The following PACSIN1 variants were observed in gnomAD, a reference collection of about 807,000 sequenced individuals.
PACSIN1 encodes the protein protein kinase C and casein kinase substrate in neurons 1.
In PACSIN1, 15 loss-of-function variants were observed where a neutral mutation model predicts 59.5. That is an observed-to-expected ratio of 0.25 (90% CI 0.17 to 0.39). The LOEUF is 0.39. Ranked by LOEUF, PACSIN1 falls within the 10% of genes least tolerant of loss-of-function variation. PACSIN1 has a pLI of 1.00. For missense variants in PACSIN1, 420 were observed against 580.2 expected, an observed-to-expected ratio of 0.72 and a Z score of 2.84; for synonymous variants, 210 against 220.6, an observed-to-expected ratio of 0.95 and a Z score of 0.42.
chr6:34,532,666 G>A lies in PACSIN1; in HGVS notation c.*136G>A. 1 of 633,526 alleles carries A rather than the reference G, an allele frequency of 1.6e-6. No individual in the cohort carries two copies. The highest frequency in any genetic ancestry group is 2.8e-5 in the East Asian group (1 of 35,360). The allele number at this position is 633,526 out of a possible 1,614,324, so 39.2% of individuals were successfully genotyped here. A position where few individuals can be genotyped will look rare whatever the true frequency, so the allele number is the denominator to read the frequency against. On this transcript the variant is annotated 3_prime_UTR_variant, in exon 10 of 10. Transcript: ENST00000244458. This position sits in a 1 kb window ranked among gnomAD's most constrained non-coding sequence, Gnocchi z 5.2. Reference sequence around the variant, plus strand: ...TTTTATTTTTTTAAAAGTCAAAACAGAACAAAACAAAGTATGCAGAGACAG... The same window carrying A: ...TTTTATTTTTTTAAAAGTCAAAACAAAACAAAACAAAGTATGCAGAGACAG...
At chr6:34,512,805 C>T (rs1333598173) in intron 1 of PACSIN1, among the ~76,000 whole-genome samples, 1 of 152,208 alleles carries the variant, frequency 6.6e-6, no homozygotes, top group African/African-American at 2.4e-5. Context: ...CCGTGTTTCC[C>T]AATCAGATCT....
intron 1 of PACSIN1, among the ~76,000 whole-genome samples, chr6:34,486,091 C>CCGAT (rs1231336305): frequency 6.6e-6 from 1 of 152,066 alleles, no homozygotes; most frequent in Non-Finnish European, 1.5e-5. Flanking sequence ...TGAGGGAAAA[C>CCGAT]CGATCATTCA....
At chr6:34,468,855 C>T (rs1392792945) in intron 1 of PACSIN1, among the ~76,000 whole-genome samples, 1 of 151,722 alleles carries the variant, frequency 6.6e-6, no homozygotes, top group East Asian at 1.9e-4. Context: ...TTCCGGTGGC[C>T]CCATGGCCTG....
Position 34,514,035 on chromosome 6 carries a change from G to A in PACSIN1, c.-63-12208G>A, listed in dbSNP as rs931505007. On this transcript the variant is annotated intron_variant, in intron 1 of 9. Coordinates refer to ENST00000244458, the MANE Select transcript of PACSIN1 (RefSeq NM_020804.5). The surrounding 1 kb of genome is among the most constrained non-coding windows in gnomAD (Gnocchi z 4.4). ...GTGTGCACGTGTCTTAAAGATGTGC[G>A]TATGCTGATATTAGTGTCACAGTTA... Among the ~76,000 whole-genome samples, 10 of 152,204 alleles carry A rather than the reference G, an allele frequency of 6.6e-5. No homozygotes were observed. The highest frequency in any genetic ancestry group is 1.9e-4 in the East Asian group (1 of 5,202).
intron 2 of PACSIN1, among the ~76,000 whole-genome samples, chr6:34,526,640 C>T (rs1347331638): frequency 2.6e-5 from 4 of 152,230 alleles, no homozygotes; most frequent in East Asian, 1.9e-4. Flanking sequence ...CTCTGTGGCA[C>T]TTCCATCAGG....
intron 1 of PACSIN1, among the ~76,000 whole-genome samples, chr6:34,504,290 ATTTTTTTTTT>A (rs368149319): frequency 7.4e-5 from 7 of 94,078 alleles, no homozygotes; most frequent in African/African-American, 3.1e-4. Flanking sequence ...ATATATATAT[ATTTTTTTTTT>A]TTTTTTTTTA....
intron 1 of PACSIN1, among the ~76,000 whole-genome samples, chr6:34,498,923 C>T (rs1289060748): frequency 1.3e-5 from 2 of 151,638 alleles, no homozygotes; most frequent in Admixed American, 6.6e-5. Flanking sequence ...GGACTGGTTT[C>T]GTGGAAGACA....
intron 1 of PACSIN1, among the ~76,000 whole-genome samples, chr6:34,478,776 G>C (rs1325045769): frequency 6.6e-6 from 1 of 152,176 alleles, no homozygotes; most frequent in Non-Finnish European, 1.5e-5. Flanking sequence ...AAAATAGGTT[G>C]TACATTTGTC....
At chr6:34,509,977 C>G (rs1340198890) in intron 1 of PACSIN1, among the ~76,000 whole-genome samples, 5 of 152,202 alleles carry the variant, frequency 3.3e-5, no homozygotes. Flanking sequence ...GGATCTTTTT[C>G]ATTGCTGTGT....
chr6:34,509,386 C>T (rs953876049), intron 1 of PACSIN1, among the ~76,000 whole-genome samples: 2 of 152,054 alleles, frequency 1.3e-5, no homozygotes, highest in African/African-American at 4.8e-5. Context: ...GTCTGTATGT[C>T]TTTATTTATT....
chr6:34,519,857 C>T (rs1223753751), intron 1 of PACSIN1, among the ~76,000 whole-genome samples: 2 of 152,164 alleles, frequency 1.3e-5, no homozygotes, highest in Non-Finnish European at 2.9e-5. Flanking sequence ...TCTGTCTGGC[C>T]TCTTGGTGCT....
In PACSIN1 at chr6:34,521,614, C is replaced by T. The variant is rs755488643; in HGVS notation, c.-63-4629C>T. Among the ~76,000 whole-genome samples, 12 of 152,180 alleles carry T rather than the reference C, an allele frequency of 7.9e-5. No individual in the cohort carries two copies. The South Asian group carries it at 8.3e-4, about 11-fold the overall frequency. ...CCTGCACCCCCCAGTCTGCACTTCA[C>T]AGGCTGCATCATCCTCATGGACAAG... On this transcript the variant is annotated intron_variant, in intron 1 of 9. Transcript: ENST00000244458. This position sits in a 1 kb window ranked among gnomAD's most constrained non-coding sequence, Gnocchi z 4.3.
intron 1 of PACSIN1, among the ~76,000 whole-genome samples, chr6:34,510,525 C>T (rs940796904): frequency 1.3e-5 from 2 of 152,212 alleles, no homozygotes; most frequent in African/African-American, 4.8e-5. Flanking sequence ...GGGCTGCTTT[C>T]AATGCGCTCA....
chr6:34,486,956 C>T (rs1766802777), intron 1 of PACSIN1, among the ~76,000 whole-genome samples: 1 of 148,494 alleles, frequency 6.7e-6, no homozygotes, highest in Non-Finnish European at 1.5e-5. Context: ...TACTTGAACT[C>T]AGGAGTTTGA....
In PACSIN1 at chr6:34,530,391, A is replaced by G; in HGVS notation, c.909+28A>G. On this transcript the variant is annotated intron_variant, in intron 7 of 9. Coordinates refer to ENST00000244458, the MANE Select transcript of PACSIN1 (RefSeq NM_020804.5). The surrounding 1 kb of genome is among the most constrained non-coding windows in gnomAD (Gnocchi z 4.4). ...GAGGATATGTGGGGATGGGAAGGGG[A>G]GCCTGAAGAGGCTGAAAGGTGCCTC... is the stretch of plus-strand genomic sequence containing the variant. 1 of 1,610,762 alleles carries G rather than the reference A, an allele frequency of 6.2e-7. No individual in the cohort carries two copies. Among genetic ancestry groups the G allele is most frequent in the Non-Finnish European group, 8.5e-7 (1 of 1,177,714 alleles).
intron 2 of PACSIN1, 38 bp downstream of exon 2, chr6:34,526,406 A>G: frequency 6.3e-7 from 1 of 1,579,562 alleles, no homozygotes; most frequent in Non-Finnish European, 8.7e-7. Flanking sequence ...GGGACCAGAC[A>G]GCCTGGCTGT....
chr6:34,523,505 T>C (rs1267693491), intron 1 of PACSIN1, among the ~76,000 whole-genome samples: 2 of 152,162 alleles, frequency 1.3e-5, no homozygotes, highest in African/African-American at 4.8e-5. Flanking sequence ...CCAGCTGTCA[T>C]TTATTGAGAC....
intron 4 of PACSIN1, 70 bp downstream of exon 4, chr6:34,528,947 A>C: frequency 8.0e-7 from 1 of 1,250,988 alleles, no homozygotes; most frequent in Non-Finnish European, 1.1e-6. Flanking sequence ...GATCCCAGGG[A>C]GGGCATCTAT....
intron 1 of PACSIN1, among the ~76,000 whole-genome samples, chr6:34,481,270 A>AAACTCCTGATCTCAAGTGATCCAGCCTCC (rs1766715106): frequency 6.6e-6 from 1 of 152,004 alleles, no homozygotes; most frequent in African/African-American, 2.4e-5. Context: ...GGCTGGTCTC[A>AAACTCCTGATCTCAAGTGATCCAGCCTCC]AACTCCTGAT....
Sources: allele counts gnomAD v4.1 joint callset (sites outside exome capture counted in the v4.1 genomes callset), GRCh38; gene constraint gnomAD v4.1.1; non-coding constraint Gnocchi (gnomAD v3.1); transcripts MANE v1.5; gene names NCBI Gene and HGNC (gene_info 2026-07-23, HGNC 2026-07-21).